The following CHD9 variants were observed in gnomAD, a reference collection of about 807,000 sequenced individuals.
The protein encoded by CHD9 is ATP-dependent chromatin remodeler CHD9.
In CHD9, 77 loss-of-function variants were observed where a neutral mutation model predicts 316.1. That is an observed-to-expected ratio of 0.24 (90% CI 0.20 to 0.29). The LOEUF (loss-of-function observed/expected upper bound fraction) is 0.29. CHD9 is among the 10% of genes least tolerant of loss of function. The pLI is 1.00. For synonymous variants in CHD9, 1,129 were observed against 1,158.3 expected (o/e 0.97, Z 0.51); for missense variants, 2,763 against 3,438.1 (o/e 0.80, Z 4.91).
In CHD9 at chr16:53,303,745, C is replaced by T. The variant is rs759590007; in HGVS notation, c.5739C>T (p.Ile1913=). ...KEELVDPNIF[I]QPITEERASR... is the part of the protein sequence containing the mutation. ...AATTGGTGGATCCAAATATTTTTAT[C>T]CAGCCCATCACAGAAGAACGTGCTT... Residue 1913 remains isoleucine, a synonymous_variant, in exon 31 of 39, where the codon ATC becomes ATT. Transcript: ENST00000447540. The T allele has an allele frequency of 6.2e-7, 1 of 1,603,658 alleles. No homozygotes were observed. Among genetic ancestry groups the T allele is most frequent in the South Asian group, 1.1e-5 (1 of 89,060 alleles).
rs118106144 is a variant in CHD9 at position 53,111,416 on chromosome 16, A to C, written c.-164-44510A>C. Among the ~76,000 whole-genome samples, 125 of 152,338 alleles carry C rather than the reference A, an allele frequency of 8.2e-4. No homozygotes were observed. The East Asian group carries it at 0.022, about 27-fold the overall frequency. ...GAAAAAAAGTCTTTTTCAAGAAAGA[A>C]TTTCCTCACTTTAAAAATGTTTGAA... On this transcript the variant is annotated intron_variant, in intron 1 of 38. Coordinates refer to ENST00000447540, the MANE Select transcript of CHD9 (RefSeq NM_001308319.2).
At chr16:53,144,624 G>A (rs542527187) in intron 1 of CHD9, among the ~76,000 whole-genome samples, 1 of 151,950 alleles carries the variant, frequency 6.6e-6, no homozygotes, top group South Asian at 2.1e-4. Context: ...TGCCTCCCGG[G>A]TTCAAGCGAT....
At chr16:53,250,337 G>A (rs1289773979) in intron 17 of CHD9, 1 of 330,498 alleles carries the variant, frequency 3.0e-6, no homozygotes, top group African/African-American at 2.2e-5. Context: ...AGTACTTTTT[G>A]TTTGTTTATT....
chr16:53,258,341 C>T (rs1415002709), intron 19 of CHD9, among the ~76,000 whole-genome samples: 2 of 152,126 alleles, frequency 1.3e-5, no homozygotes, highest in African/African-American at 4.8e-5. Context: ...ATTTGAATAT[C>T]TACTTTAAAT....
At chr16:53,145,324 TGTTTTTAGTAGAAA>T (rs1459591526) in intron 1 of CHD9, among the ~76,000 whole-genome samples, 1 of 151,774 alleles carries the variant, frequency 6.6e-6, no homozygotes, top group African/African-American at 2.4e-5. Flanking sequence ...ACTAATTTTG[TGTTTTTAGTAGAAA>T]TGGGGTTTCT....
chr16:53,248,382 CT>C (rs2049828556), intron 16 of CHD9, among the ~76,000 whole-genome samples: 1 of 151,028 alleles, frequency 6.6e-6, no homozygotes, highest in South Asian at 2.1e-4. Context: ...CTATAATAGG[CT>C]AATTATCGTA....
intron 37 of CHD9, among the ~76,000 whole-genome samples, chr16:53,319,261 C>T (rs528200090): frequency 6.6e-6 from 1 of 152,314 alleles, no homozygotes; most frequent in African/African-American, 2.4e-5. Flanking sequence ...TTATTTTTCT[C>T]ATACACTAAA....
chr16:53,218,956 T>C (rs1363638136), intron 3 of CHD9, among the ~76,000 whole-genome samples: 2 of 152,052 alleles, frequency 1.3e-5, no homozygotes, highest in African/African-American at 4.8e-5. Context: ...CCATTAAAAA[T>C]CATCTGCACC....
chr16:53,105,155 TAA>T (rs1409040371), intron 1 of CHD9, among the ~76,000 whole-genome samples: 1 of 152,090 alleles, frequency 6.6e-6, no homozygotes, highest in Non-Finnish European at 1.5e-5. Flanking sequence ...TTTAAAATAT[TAA>T]GTTTATTTAT....
Position 53,116,340 on chromosome 16 carries a change from G to A in CHD9, c.-164-39586G>A, listed in dbSNP as rs192399380. On this transcript the variant is annotated intron_variant, in intron 1 of 38. Transcript: ENST00000447540. ...CTCCCAAAGTGCTGGGATTATAGGC[G>A]TGAGCCACCATGCCTGGCCTGACAT... Among the ~76,000 whole-genome samples the A allele has an allele frequency of 1.4e-4, 21 of 152,270 alleles. No homozygotes were observed. The East Asian group carries it at 3.3e-3, about 24-fold the overall frequency.
chr16:53,227,749 TA>T, intron 7 of CHD9, 146 bp downstream of exon 7: 1 of 221,874 alleles, frequency 4.5e-6, no homozygotes, highest in Non-Finnish European at 8.5e-6. Context: ...CAAGAATCAT[TA>T]AAAAGTGGAA....
intron 2 of CHD9, among the ~76,000 whole-genome samples, chr16:53,180,344 TC>T: frequency 6.6e-6 from 1 of 152,244 alleles, no homozygotes; most frequent in Non-Finnish European, 1.5e-5. Flanking sequence ...ATTTAGTTTT[TC>T]CTTCTGGGAA....
intron 2 of CHD9, among the ~76,000 whole-genome samples, chr16:53,203,805 C>T (rs1037183198): frequency 4.6e-5 from 7 of 151,768 alleles, no homozygotes; most frequent in African/African-American, 9.7e-5. Context: ...GGGCAGATCA[C>T]GAGGTCAGGA....
chr16:53,314,509 C>G lies in CHD9; in HGVS notation c.7355C>G (p.Pro2452Arg). The change falls in exon 35 of 39, where the codon CCT (proline) becomes CGT (arginine). Residue 2452 changes from proline to arginine, a missense_variant. Transcript: ENST00000447540. ...TTCTTTTTTAACAGAAATAAACCACCTAATCATGTAAGTAAAGCAGTACTT... is the reference window on the plus strand; with the variant it reads ...TTCTTTTTTAACAGAAATAAACCACGTAATCATGTAAGTAAAGCAGTACTT... ...DIFFFNRNKP[P>R]NHVSLGLTSS... 6.4e-7 allele frequency: 1 copy of G among 1,570,022 alleles called. No individual in the cohort carries two copies. Among genetic ancestry groups the G allele is most frequent in the Non-Finnish European group, 8.6e-7 (1 of 1,157,364 alleles).
intron 37 of CHD9, chr16:53,321,175 A>T: frequency 8.2e-7 from 1 of 1,218,408 alleles, no homozygotes; most frequent in Middle Eastern, 2.2e-4. Flanking sequence ...CAGAAAATTG[A>T]GGCTGAAAGA....
chr16:53,134,060 A>G (rs941581202), intron 1 of CHD9, among the ~76,000 whole-genome samples: 1 of 152,216 alleles, frequency 6.6e-6, no homozygotes, highest in African/African-American at 2.4e-5. Context: ...TACCTCCGTA[A>G]ATAACAGAGA....
chr16:53,166,990 C>G (rs185091759), intron 2 of CHD9, among the ~76,000 whole-genome samples: 12 of 149,816 alleles, frequency 8.0e-5, no homozygotes, highest in Admixed American at 6.7e-4. Flanking sequence ...TTAGAAAGAT[C>G]ATGACTTGCT....
chr16:53,318,062 A>T (rs1432096606), intron 36 of CHD9, 150 bp from the exon 37 acceptor site: 4 of 577,422 alleles, frequency 6.9e-6, no homozygotes, highest in Non-Finnish European at 1.1e-5. Flanking sequence ...GTCTCAAAAA[A>T]AAATAAAATA....
At chr16:53,239,580 T>G (rs1316299772) in intron 12 of CHD9, among the ~76,000 whole-genome samples, 1 of 152,188 alleles carries the variant, frequency 6.6e-6, no homozygotes, top group African/African-American at 2.4e-5. Context: ...CACCCTACAC[T>G]AAAAGCACTT....
Sources: gnomAD v4.1 joint callset for allele counts (sites outside exome capture counted in the v4.1 genomes callset) on GRCh38, gnomAD v4.1.1 for gene constraint, MANE v1.5 for transcripts, NCBI Gene and HGNC (gene_info 2026-07-23, HGNC 2026-07-21) for gene names.